Variants in RABGAP1L observed in about 807,000 individuals in gnomAD.
The protein encoded by RABGAP1L is RAB GTPase activating protein 1 like.
In RABGAP1L, 63 loss-of-function variants were observed where a neutral mutation model predicts 137.7. The ratio of observed to expected loss-of-function variants is 0.46; its 90% CI spans 0.37 to 0.56. The LOEUF is 0.56. Among genes scored for constraint, RABGAP1L ranks in the 20% least tolerant of loss-of-function variants. The probability of loss-of-function intolerance (pLI) is 0.00; values close to 1 mark genes in which losing one functional copy is unlikely to be tolerated. For missense variants in RABGAP1L, 1,095 were observed against 1,244.0 expected (o/e 0.88, Z 1.80); for synonymous variants, 431 against 433.7 (o/e 0.99, Z 0.08).
intron 13 of RABGAP1L, among the ~76,000 whole-genome samples, chr1:174,635,788 C>A (rs1673966009): frequency 6.6e-6 from 1 of 152,070 alleles, no homozygotes; most frequent in Non-Finnish European, 1.5e-5. Flanking sequence ...ATCTAATTAC[C>A]ACCCAGCATG....
intron 19 of RABGAP1L, among the ~76,000 whole-genome samples, chr1:174,936,642 T>C (rs1453744730): frequency 1.3e-5 from 2 of 152,116 alleles, no homozygotes; most frequent in African/African-American, 2.4e-5. Flanking sequence ...TTGGCAGATA[T>C]ATGTTTTGAA....
rs560251347 is a variant in RABGAP1L, at chr1:174,479,925, A to G, written c.1710+85780A>G. The stretch of plus-strand genomic sequence containing the variant: ...CAGAAACATCTATATCTTTAATATT[A>G]CTTGCTATTGTATTTACTAACTGTC... On this transcript the variant is annotated intron_variant, in intron 13 of 25. Transcript: ENST00000681986. Among the ~76,000 whole-genome samples, 3 of 152,290 alleles carry G rather than the reference A, an allele frequency of 2.0e-5. No homozygotes were observed. In the South Asian group the frequency reaches 6.2e-4, roughly 32 times the overall value.
At chr1:174,546,069 T>C (rs1665984255) in intron 13 of RABGAP1L, among the ~76,000 whole-genome samples, 2 of 152,182 alleles carry the variant, frequency 1.3e-5, no homozygotes, top group South Asian at 2.1e-4. Flanking sequence ...AAAATAAGGC[T>C]TTTTTAGATC....
At chr1:174,489,744 C>G (rs377309410) in intron 13 of RABGAP1L, among the ~76,000 whole-genome samples, 22 of 152,180 alleles carry the variant, frequency 1.4e-4, no homozygotes, top group South Asian at 1.0e-3. Flanking sequence ...GTTTATTGCG[C>G]CACTATTCAC....
At chr1:174,928,061 A>G (rs1025176364) in intron 19 of RABGAP1L, among the ~76,000 whole-genome samples, 6 of 152,214 alleles carry the variant, frequency 3.9e-5, no homozygotes, top group Non-Finnish European at 8.8e-5. Context: ...ACTGTGCCCT[A>G]TAAGGCCCTT....
chr1:174,648,537 G>A (rs564566884), intron 14 of RABGAP1L, among the ~76,000 whole-genome samples: 1 of 152,200 alleles, frequency 6.6e-6, no homozygotes, highest in South Asian at 2.1e-4. Context: ...TTAATCCTGA[G>A]TTCTAATTTG....
chr1:174,479,503 A>T (rs1028073415), intron 13 of RABGAP1L, among the ~76,000 whole-genome samples: 3 of 152,178 alleles, frequency 2.0e-5, no homozygotes, highest in Admixed American at 1.3e-4. Flanking sequence ...TGAGAAACTG[A>T]TACTTTAAAG....
chr1:174,295,545 G>C (rs1314730674), intron 10 of RABGAP1L, among the ~76,000 whole-genome samples: 1 of 151,872 alleles, frequency 6.6e-6, no homozygotes, highest in African/African-American at 2.4e-5. Flanking sequence ...ACCAGGCCTG[G>C]CTAATTTTTT....
chr1:174,930,212 G>C (rs982948712), intron 19 of RABGAP1L, among the ~76,000 whole-genome samples: 2 of 151,582 alleles, frequency 1.3e-5, no homozygotes, highest in Non-Finnish European at 2.9e-5. Context: ...TATGAGATGG[G>C]GACTCAGTTT....
At chr1:174,626,911 T>G (rs1382701211) in intron 13 of RABGAP1L, among the ~76,000 whole-genome samples, 1 of 152,198 alleles carries the variant, frequency 6.6e-6, no homozygotes, top group East Asian at 1.9e-4. Context: ...AACATAGAAC[T>G]AAAGGAGGCT....
chr1:174,387,142 A>G (rs148937333), intron 12 of RABGAP1L, among the ~76,000 whole-genome samples: 11 of 152,346 alleles, frequency 7.2e-5, no homozygotes, highest in African/African-American at 2.2e-4. Context: ...ATGCATACTC[A>G]TAAGAGATTA....
At chr1:174,229,052 GA>G (rs1310790760) in intron 3 of RABGAP1L, among the ~76,000 whole-genome samples, 1 of 151,970 alleles carries the variant, frequency 6.6e-6, no homozygotes. Flanking sequence ...TTATGATGGG[GA>G]TGGAATTGGG....
chr1:174,546,503 A>C (rs552689977), intron 13 of RABGAP1L, among the ~76,000 whole-genome samples: 1 of 152,318 alleles, frequency 6.6e-6, no homozygotes, highest in South Asian at 2.1e-4. Context: ...ATTTTAGATA[A>C]CACCCAGTTC....
At chr1:174,978,699 A>G (rs1036978915) in intron 22 of RABGAP1L, 108 bp from the exon 23 acceptor site, 19 of 1,238,818 alleles carry the variant, frequency 1.5e-5, no homozygotes, top group Non-Finnish European at 2.0e-5. Context: ...TATAGTTAAC[A>G]TTGTTACCAT....
intron 13 of RABGAP1L, among the ~76,000 whole-genome samples, chr1:174,589,963 A>G (rs368390624): frequency 6.6e-6 from 1 of 152,108 alleles, no homozygotes. Context: ...GGTTCCATCA[A>G]AATTTACGAT....
chr1:174,743,654 GAATA>G (rs778282792), intron 17 of RABGAP1L, among the ~76,000 whole-genome samples: 4 of 151,248 alleles, frequency 2.6e-5, no homozygotes, highest in Admixed American at 6.6e-5. Flanking sequence ...TAAAATAAAT[GAATA>G]AATAAATAAA....
At chr1:174,613,070 G>A (rs1435921360) in intron 13 of RABGAP1L, among the ~76,000 whole-genome samples, 10 of 150,736 alleles carry the variant, frequency 6.6e-5, no homozygotes, top group Non-Finnish European at 1.5e-4. Flanking sequence ...GTTCTGCTCT[G>A]ATTTTAGTTA....
chr1:174,972,438 C>A (rs1165843271), intron 21 of RABGAP1L, among the ~76,000 whole-genome samples: 2 of 152,156 alleles, frequency 1.3e-5, no homozygotes, highest in African/African-American at 4.8e-5. Context: ...ATGCTTGTTT[C>A]TCTCATACAT....
At chr1:174,685,439 G>A (rs1557983783) in intron 15 of RABGAP1L, among the ~76,000 whole-genome samples, 1 of 151,998 alleles carries the variant, frequency 6.6e-6, no homozygotes, top group Non-Finnish European at 1.5e-5. Flanking sequence ...TATTTTAGTA[G>A]AGATGGGGTT....
Sources: gnomAD v4.1 joint callset for allele counts (sites outside exome capture counted in the v4.1 genomes callset) on GRCh38, gnomAD v4.1.1 for gene constraint, MANE v1.5 for transcripts, NCBI Gene and HGNC (gene_info 2026-07-23, HGNC 2026-07-21) for gene names.